GAS7: variants seen among roughly 807,000 people sequenced by gnomAD.
GAS7 encodes the protein growth arrest-specific protein 7.
A neutral mutation model predicts 71.1 loss-of-function variants in GAS7; 28 were observed. The observed-to-expected ratio is 0.39, with a 90% CI of 0.29 to 0.54. GAS7 has a LOEUF of 0.54. GAS7 is among the 20% of genes least tolerant of loss of function. GAS7 has a pLI of 0.62. For missense variants in GAS7, 436 were observed against 627.8 expected (o/e 0.69, Z 3.27); for synonymous variants, 258 against 245.8 (o/e 1.05, Z -0.46).
At chr17:10,111,849 G>A (rs2142066835) in intron 1 of GAS7, among the ~76,000 whole-genome samples, 1 of 152,306 alleles carries the variant, frequency 6.6e-6, no homozygotes, top group East Asian at 1.9e-4. Flanking sequence ...AAGAACTGCT[G>A]CCGTGTTTCG....
At chr17:10,055,056 G>A (rs1006799227) in intron 1 of GAS7, among the ~76,000 whole-genome samples, 3 of 152,148 alleles carry the variant, frequency 2.0e-5, no homozygotes, top group Admixed American at 1.3e-4. Context: ...AGTCAGGGGC[G>A]ACACCACACA....
intron 1 of GAS7, among the ~76,000 whole-genome samples, chr17:10,186,673 T>C (rs893383056): frequency 6.6e-6 from 1 of 152,334 alleles, no homozygotes; most frequent in South Asian, 2.1e-4. Context: ...CCCAAAGTGC[T>C]GGGATTACAG....
chr17:9,984,504 A>G (rs941304006), intron 2 of GAS7, among the ~76,000 whole-genome samples: 28 of 152,170 alleles, frequency 1.8e-4, no homozygotes, highest in African/African-American at 5.6e-4. Context: ...GAGGAGTGAC[A>G]AGGAGAGAGG....
intron 1 of GAS7, among the ~76,000 whole-genome samples, chr17:10,160,991 G>C (rs975895036): frequency 6.8e-6 from 1 of 147,162 alleles, no homozygotes; most frequent in Non-Finnish European, 1.5e-5. Context: ...CGAAGGCATG[G>C]CAGTATTTAT....
chr17:10,083,885 G>A (rs1200193298), intron 1 of GAS7, among the ~76,000 whole-genome samples: 2 of 152,210 alleles, frequency 1.3e-5, no homozygotes, highest in Non-Finnish European at 2.9e-5. Flanking sequence ...TAGGTGAAGG[G>A]TAGGGATCAA....
intron 2 of GAS7, among the ~76,000 whole-genome samples, chr17:10,014,798 C>T (rs1222247502): frequency 6.6e-6 from 1 of 152,124 alleles, no homozygotes; most frequent in East Asian, 1.9e-4. Flanking sequence ...ATCCCCAGAG[C>T]CCGGCTCAGT....
At chr17:9,955,493 G>A (rs1052980451) in intron 5 of GAS7, among the ~76,000 whole-genome samples, 2 of 152,222 alleles carry the variant, frequency 1.3e-5, no homozygotes, top group Non-Finnish European at 2.9e-5. Flanking sequence ...CAAGGCAGGT[G>A]CTATTATTAT....
chr17:10,049,485 C>T (rs1192258084), intron 1 of GAS7, among the ~76,000 whole-genome samples: 1 of 151,378 alleles, frequency 6.6e-6, no homozygotes, highest in African/African-American at 2.4e-5. Context: ...CAAAGCTTAT[C>T]TTTGTATTGG....
chr17:10,133,048 C>T (rs1395461288), intron 1 of GAS7, among the ~76,000 whole-genome samples: 1 of 151,752 alleles, frequency 6.6e-6, no homozygotes, highest in African/African-American at 2.4e-5. Context: ...CCAACTCTCT[C>T]ACATATACCC....
chr17:10,043,432 C>T (rs74603217), intron 1 of GAS7, among the ~76,000 whole-genome samples: 6,452 of 152,192 alleles, frequency 0.042, 459 homozygotes, highest in African/African-American at 0.15. Flanking sequence ...GAGGTGCTAA[C>T]CCCCATCTCC....
chr17:10,116,060 C>T (rs572929910), intron 1 of GAS7, among the ~76,000 whole-genome samples: 1 of 152,284 alleles, frequency 6.6e-6, no homozygotes, highest in South Asian at 2.1e-4. Flanking sequence ...ACTGTAATCC[C>T]AGCACTTTGG....
At chr17:9,998,441 G>A (rs2071129095) in intron 2 of GAS7, among the ~76,000 whole-genome samples, 1 of 152,166 alleles carries the variant, frequency 6.6e-6, no homozygotes, top group Non-Finnish European at 1.5e-5. Flanking sequence ...CTGCCAAATG[G>A]CTGCTGAAGA....
chr17:10,019,768 G>A lies in GAS7; in HGVS notation c.304+9C>T, dbSNP rs200092975. On this transcript the variant is annotated intron_variant, in intron 2 of 13. Transcript: ENST00000432992. ...GTTGGTGCAGGATTCTCCCCCGAGC[G>A]GGACTCACCATTGGTGGTCGTGTTG... is the stretch of plus-strand genomic sequence containing the variant. The A allele has an allele frequency of 2.8e-4, 458 of 1,611,414 alleles. No individual in the cohort carries two copies. The highest frequency in any genetic ancestry group is 5.4e-4 in the East Asian group (24 of 44,828).
rs529157089 is a variant in GAS7, at chr17:10,133,249, A to C, written c.183+64959T>G. On this transcript the variant is annotated intron_variant, in intron 1 of 13. Coordinates refer to ENST00000432992, the MANE Select transcript of GAS7 (RefSeq NM_201433.2). ...GTGATTCTCCTATCTCAGTCTCCCA[A>C]GTAGCCAGGATTATAGGCAGGTGCC... Among the ~76,000 whole-genome samples the C allele has an allele frequency of 5.3e-5, 8 of 151,922 alleles. No individual in the cohort carries two copies. The East Asian group carries it at 1.5e-3, about 29-fold the overall frequency.
chr17:10,186,879 T>C (rs1410182919), intron 1 of GAS7, among the ~76,000 whole-genome samples: 2 of 150,260 alleles, frequency 1.3e-5, no homozygotes, highest in Non-Finnish European at 2.9e-5. Flanking sequence ...CAGAACAAGA[T>C]TCTGTCTCCA....
chr17:9,975,401 G>GTCCCC, intron 3 of GAS7, among the ~76,000 whole-genome samples: 1 of 152,108 alleles, frequency 6.6e-6, no homozygotes, highest in East Asian at 1.9e-4. Context: ...GAGTGCTGAA[G>GTCCCC]CCCTGGTTCT....
In GAS7 at chr17:10,019,784, G is replaced by A. The variant is rs1192281169; in HGVS notation, c.297C>T (p.Thr99=). ...CCCCCGAGCGGGACTCACCATTGGT[G>A]GTCGTGTTGACATAGTACCGCCGGC... is the stretch of plus-strand genomic sequence containing the variant. The part of the protein sequence containing the change: ...PQGRRYYVNT[T]TNETTWERPS... The change falls in exon 2 of 14, where the codon ACC becomes ACT. Residue 99 remains threonine, a synonymous_variant. Coordinates refer to ENST00000432992, the MANE Select transcript of GAS7 (RefSeq NM_201433.2). The A allele has an allele frequency of 3.7e-6, 6 of 1,613,576 alleles. No homozygotes were observed. In the African/African-American group the frequency reaches 8.0e-5, roughly 22 times the overall value.
rs974793794 is a variant in GAS7, at chr17:9,916,583, C to A, written c.*645G>T. 3.9e-6 allele frequency: 1 copy of A among 253,892 alleles called. No homozygotes were observed. Among genetic ancestry groups the A allele is most frequent in the African/African-American group, 2.2e-5 (1 of 46,128 alleles). The allele number at this position is 253,892 out of a possible 1,614,324, so 15.7% of individuals were successfully genotyped here. ...CAGCGCTCAATTTGGGGCTAATTTG[C>A]CGAATGAGGTAGTTCCATCCTGACC... On this transcript the variant is annotated 3_prime_UTR_variant, in exon 14 of 14. Transcript: ENST00000432992.
intron 2 of GAS7, among the ~76,000 whole-genome samples, chr17:9,983,852 G>A (rs1009532439): frequency 2.6e-5 from 4 of 151,986 alleles, no homozygotes; most frequent in Non-Finnish European, 4.4e-5. Context: ...TGAAGGGGGC[G>A]GTATAGCAAA....
Sources: allele counts gnomAD v4.1 joint callset (sites outside exome capture counted in the v4.1 genomes callset), GRCh38; gene constraint gnomAD v4.1.1; transcripts MANE v1.5; gene names NCBI Gene and HGNC (gene_info 2026-07-23, HGNC 2026-07-21).